Variants in LRRC69 observed in about 807,000 individuals in gnomAD.
LRRC69 encodes leucine rich repeat containing 69.
LRRC69 carries 42 observed loss-of-function variants against 37.8 expected under a neutral mutation model. That is an observed-to-expected ratio of 1.11 (90% CI 0.87 to 1.44). The LOEUF is 1.44. LRRC69 is among the 40% of genes most tolerant of loss of function. The pLI, the probability that LRRC69 is intolerant of heterozygous loss-of-function variation, is 0.00. For missense variants in LRRC69, 357 were observed against 401.9 expected (o/e 0.89, Z 0.96); for synonymous variants, 141 against 143.1 (o/e 0.99, Z 0.11).
At chr8:91,189,755 T>C (rs1809462520) in intron 6 of LRRC69, 132 bp downstream of exon 6, 2 of 522,788 alleles carry the variant, frequency 3.8e-6, no homozygotes, top group Admixed American at 6.6e-5. Flanking sequence ...GCAATGTGGA[T>C]CCTATACATA....
intron 1 of LRRC69, among the ~76,000 whole-genome samples, chr8:91,113,972 C>CAAAAAAAAAAAAAAAAA (rs34806474): frequency 3.3e-5 from 2 of 60,486 alleles, no homozygotes; most frequent in Non-Finnish European, 5.5e-5. Flanking sequence ...AGACTTGTCT[C>CAAAAAAAAAAAAAAAAA]AAAAAAAAAA....
At chr8:91,141,984 C>CA (rs1554591269) in intron 5 of LRRC69, among the ~76,000 whole-genome samples, 2 of 149,406 alleles carry the variant, frequency 1.3e-5, no homozygotes. Flanking sequence ...TCAGAAAACT[C>CA]AGTCTATGAA....
chr8:91,154,932 T>C (rs2130553865), intron 5 of LRRC69, among the ~76,000 whole-genome samples: 1 of 151,718 alleles, frequency 6.6e-6, no homozygotes. Flanking sequence ...GAAATCAAAT[T>C]GTCTCTGTTT....
intron 7 of LRRC69, among the ~76,000 whole-genome samples, chr8:91,204,251 G>A (rs953180564): frequency 6.6e-6 from 1 of 152,022 alleles, no homozygotes; most frequent in African/African-American, 2.4e-5. Flanking sequence ...ACCTTACTAA[G>A]CAAGGCCTAT....
intron 3 of LRRC69, among the ~76,000 whole-genome samples, chr8:91,132,294 C>T (rs1025657716): frequency 4.6e-5 from 7 of 151,866 alleles, no homozygotes; most frequent in Non-Finnish European, 1.0e-4. Flanking sequence ...ATTTTCCTCA[C>T]TTTTAAAATA....
chr8:91,132,092 T>C (rs1433299694), intron 3 of LRRC69, among the ~76,000 whole-genome samples: 2 of 151,928 alleles, frequency 1.3e-5, no homozygotes, highest in African/African-American at 2.4e-5. Flanking sequence ...ACCTCCAGTC[T>C]CCCATTTTCA....
chr8:91,156,553 A>G (rs1300255362), intron 5 of LRRC69, among the ~76,000 whole-genome samples: 2 of 150,912 alleles, frequency 1.3e-5, no homozygotes, highest in African/African-American at 4.8e-5. Context: ...TGTTTCCTTT[A>G]ATATGCAGAA....
chr8:91,140,497 T>C (rs1808512772), intron 5 of LRRC69, among the ~76,000 whole-genome samples: 1 of 151,996 alleles, frequency 6.6e-6, no homozygotes, highest in South Asian at 2.1e-4. Flanking sequence ...CACTTTATTG[T>C]TTTCTTCAAG....
rs191750236 is a variant in LRRC69 at position 91,197,406 on chromosome 8, T to G, written c.754-3207T>G. On this transcript the variant is annotated intron_variant, in intron 6 of 7. Coordinates refer to ENST00000448384, the Ensembl canonical transcript of LRRC69. ...TTCCCCGGCTGCTTTGTTTACCTAA[T>G]CAAGCCTGGCCAATGGCGGGCGCCC... is the stretch of plus-strand genomic sequence containing the variant. Among the ~76,000 whole-genome samples, 128 of 152,290 alleles carry G rather than the reference T, an allele frequency of 8.4e-4. 1 individual carries two copies. The East Asian group carries it at 9.7e-3, about 12-fold the overall frequency.
chr8:91,126,749 C>A (rs73697110), intron 2 of LRRC69, among the ~76,000 whole-genome samples: 3,244 of 151,982 alleles, frequency 0.021, 122 homozygotes, highest in African/African-American at 0.073. Flanking sequence ...ATTATAAATA[C>A]GAAAATGAGA....
chr8:91,147,708 ATTTAT>A (rs1390793387), intron 5 of LRRC69, among the ~76,000 whole-genome samples: 1 of 151,778 alleles, frequency 6.6e-6, no homozygotes. Flanking sequence ...CTATTTTAAA[ATTTAT>A]TTTATTTTAG....
At chr8:91,113,654 A>G (rs1028274989) in intron 1 of LRRC69, among the ~76,000 whole-genome samples, 7 of 151,952 alleles carry the variant, frequency 4.6e-5, no homozygotes, top group African/African-American at 1.7e-4. Flanking sequence ...GGTCTGGACA[A>G]TGATTTTTTG....
intron 1 of LRRC69, among the ~76,000 whole-genome samples, chr8:91,110,153 G>A (rs954299663): frequency 4.6e-5 from 7 of 151,928 alleles, no homozygotes; most frequent in East Asian, 1.9e-4. Flanking sequence ...TATAATAAAT[G>A]TGAATATTTA....
chr8:91,190,740 C>T (rs1696645776), intron 6 of LRRC69, among the ~76,000 whole-genome samples: 1 of 152,086 alleles, frequency 6.6e-6, no homozygotes, highest in African/African-American at 2.4e-5. Context: ...TAATAATTTT[C>T]TGGCTTTTTA....
intron 5 of LRRC69, among the ~76,000 whole-genome samples, chr8:91,153,080 G>T (rs1490808828): frequency 6.6e-6 from 1 of 151,172 alleles, no homozygotes; most frequent in Non-Finnish European, 1.5e-5. Context: ...TGCAATTGTA[G>T]TTTCTAACAA....
intron 7 of LRRC69, among the ~76,000 whole-genome samples, chr8:91,217,172 G>C (rs140428008): frequency 6.6e-6 from 1 of 152,162 alleles, no homozygotes; most frequent in African/African-American, 2.4e-5. Context: ...GGGATTGTTT[G>C]CTGTATATCT....
chr8:91,211,619 T>TTTA (rs372614642), intron 7 of LRRC69, among the ~76,000 whole-genome samples: 1,722 of 144,694 alleles, frequency 0.012, 17 homozygotes, highest in Middle Eastern at 0.044. Flanking sequence ...TATATATATT[T>TTTA]TTTTTTTATT....
At chr8:91,119,768 C>T (rs1813584226) in intron 1 of LRRC69, among the ~76,000 whole-genome samples, 1 of 151,980 alleles carries the variant, frequency 6.6e-6, no homozygotes, top group Non-Finnish European at 1.5e-5. Flanking sequence ...CAGACATCAT[C>T]CTTCAGGAAC....
intron 1 of LRRC69, among the ~76,000 whole-genome samples, chr8:91,121,047 A>G (rs796843453): frequency 5.9e-5 from 9 of 152,080 alleles, no homozygotes; most frequent in African/African-American, 2.2e-4. Context: ...CTCAAGTTCC[A>G]AAGTTAGGTG....
Sources: allele counts gnomAD v4.1 joint callset (sites outside exome capture counted in the v4.1 genomes callset), GRCh38; gene constraint gnomAD v4.1.1; transcripts MANE v1.5; gene names NCBI Gene and HGNC (gene_info 2026-07-23, HGNC 2026-07-21).